ABCB1: variants seen among roughly 807,000 people sequenced by gnomAD.
The protein encoded by ABCB1 is ATP-dependent translocase ABCB1.
ABCB1 carries 69 observed loss-of-function variants against 142.0 expected under a neutral mutation model. That is an observed-to-expected ratio of 0.49 (90% CI 0.40 to 0.59). The LOEUF is 0.59. ABCB1 is among the 20% of genes least tolerant of loss of function. The pLI is 0.00. For missense variants in ABCB1, 1,326 were observed against 1,554.7 expected, an observed-to-expected ratio of 0.85 and a Z score of 2.47; for synonymous variants, 532 against 539.2, an observed-to-expected ratio of 0.99 and a Z score of 0.18.
intron 1 of ABCB1, among the ~76,000 whole-genome samples, chr7:87,646,614 T>C (rs1205679305): frequency 6.6e-6 from 1 of 152,160 alleles, no homozygotes; most frequent in Admixed American, 6.5e-5. Flanking sequence ...AGAAATTTCC[T>C]TCTATTCAGG....
chr7:87,690,758 G>A (rs187679729), intron 1 of ABCB1, among the ~76,000 whole-genome samples: 4 of 152,230 alleles, frequency 2.6e-5, no homozygotes, highest in Admixed American at 2.0e-4. Context: ...CCAATTTATA[G>A]ACAAGACTTG....
chr7:87,663,717 C>G (rs1042710092), intron 1 of ABCB1, among the ~76,000 whole-genome samples: 3 of 152,078 alleles, frequency 2.0e-5, no homozygotes, highest in Non-Finnish European at 2.9e-5. Context: ...AGTACTATAA[C>G]AAAATACTAC....
At chr7:87,554,797 A>G (rs542263549) in intron 8 of ABCB1, among the ~76,000 whole-genome samples, 30 of 152,220 alleles carry the variant, frequency 2.0e-4, no homozygotes, top group Non-Finnish European at 3.7e-4. Flanking sequence ...AATTATTAGC[A>G]TATCTATAGC....
chr7:87,628,342 C>G (rs1046584971), intron 1 of ABCB1: 12 of 152,660 alleles, frequency 7.9e-5, no homozygotes, highest in African/African-American at 2.9e-4. Flanking sequence ...GCGGGGGTAG[C>G]GTTGATTTGA....
intron 1 of ABCB1, among the ~76,000 whole-genome samples, chr7:87,614,001 T>G (rs2130066238): frequency 6.6e-6 from 1 of 152,314 alleles, no homozygotes; most frequent in South Asian, 2.1e-4. Context: ...TATCCTTTAG[T>G]TTTATGATAA....
chr7:87,566,170 A>G lies in ABCB1; in HGVS notation c.602T>C (p.Phe201Ser). Residue 201 changes from phenylalanine to serine, a missense_variant, in exon 7 of 28, where the codon TTC becomes TCC. Physicochemically the swap from Phe to Ser is radical, Grantham distance 155. Transcript: ENST00000622132. ...GMFFQSMATF[F>S]TGFIVGFTRG... The stretch of plus-strand genomic sequence containing the variant: ...TGTAAATCCTACTATAAACCCAGTG[A>G]AAAATGTTGCCATTGACTGAAAGAA... 2.5e-6 allele frequency: 4 copies of G among 1,614,168 alleles called. No individual in the cohort carries two copies. Among genetic ancestry groups the G allele is most frequent in the Non-Finnish European group, 1.7e-6 (2 of 1,179,982 alleles).
chr7:87,504,792 G>A lies in ABCB1; in HGVS notation c.3637-343C>T, dbSNP rs1213053557. ...TGCACTCCAGCCTGGGCGACAGAGCGAGACTCCATCTCAAAGAAAAAAAAA... is the reference window on the plus strand; with the variant it reads ...TGCACTCCAGCCTGGGCGACAGAGCAAGACTCCATCTCAAAGAAAAAAAAA... On this transcript the variant is annotated intron_variant, in intron 27 of 27. Coordinates refer to ENST00000622132, the MANE Select transcript of ABCB1 (RefSeq NM_001348946.2). Among the ~76,000 whole-genome samples the A allele has an allele frequency of 8.3e-5, 12 of 144,494 alleles. No homozygotes were observed. The East Asian group carries it at 1.6e-3, about 19-fold the overall frequency. The allele number at this position is 144,494 out of a possible 152,430, so 94.8% of individuals were successfully genotyped here. A position where few individuals can be genotyped will look rare whatever the true frequency, so the allele number is the denominator to read the frequency against.
At position 87,546,000 on chromosome 7, in the gene ABCB1, C is replaced by T. The variant is rs1257424474; in HGVS notation, c.1750G>A (p.Val584Met). Residue 584 changes from valine to methionine, a missense_variant, in exon 15 of 28, where the codon GTG (valine) becomes ATG (methionine). Transcript: ENST00000622132. ...DKARKGRTTI[V>M]IAHRLSTVRN... ...ACTGTAGACAAACGATGAGCTATCA[C>T]AATGGTGGTCCGACCTTTTCTGGCC... 4 of 1,614,126 alleles carry T rather than the reference C, an allele frequency of 2.5e-6. No homozygotes were observed. The highest frequency in any genetic ancestry group is 3.4e-6 in the Non-Finnish European group (4 of 1,180,004).
chr7:87,551,908 C>T (rs1817088951), intron 9 of ABCB1, among the ~76,000 whole-genome samples: 1 of 151,778 alleles, frequency 6.6e-6, no homozygotes, highest in Non-Finnish European at 1.5e-5. Context: ...GTCAGAAGAC[C>T]CAGTTCTGAA....
At chr7:87,603,469 T>C (rs556731891), upstream of ABCB1, among the ~76,000 whole-genome samples, 1 of 152,190 alleles carries the variant, frequency 6.6e-6, no homozygotes, top group Non-Finnish European at 1.5e-5. Context: ...TGTTTTCTCC[T>C]TATGAGTCCA....
intron 1 of ABCB1, among the ~76,000 whole-genome samples, chr7:87,619,323 G>T (rs1461159607): frequency 6.6e-6 from 1 of 152,082 alleles, no homozygotes; most frequent in African/African-American, 2.4e-5. Context: ...CAGATCACTT[G>T]AGGTCATGAG....
At chr7:87,569,143 G>A (rs1016794) in intron 5 of ABCB1, among the ~76,000 whole-genome samples, 59,945 of 151,660 alleles carry the variant, frequency 0.4, 12,640 homozygotes, top group East Asian at 0.64. Context: ...GGCCAGCCTG[G>A]GTAACATGGT....
intron 26 of ABCB1, among the ~76,000 whole-genome samples, chr7:87,508,960 C>A (rs111623081): frequency 1.9e-4 from 29 of 152,268 alleles, no homozygotes; most frequent in African/African-American, 6.5e-4. Context: ...CTAAGGCTGA[C>A]AAAGGTGGAG....
intron 1 of ABCB1, chr7:87,709,265 T>C: frequency 2.0e-6 from 2 of 985,412 alleles, no homozygotes; most frequent in African/African-American, 3.5e-5. Flanking sequence ...GAATTGTCTC[T>C]GGAGAGCAAC....
chr7:87,530,385 G>C (rs1815982507), intron 21 of ABCB1, among the ~76,000 whole-genome samples: 1 of 152,094 alleles, frequency 6.6e-6, no homozygotes, highest in African/African-American at 2.4e-5. Context: ...AACTGTCTGA[G>C]CTTGAATCCC....
intron 21 of ABCB1, among the ~76,000 whole-genome samples, chr7:87,523,790 G>A (rs552871647): frequency 3.9e-5 from 6 of 152,154 alleles, no homozygotes; most frequent in South Asian, 4.2e-4. Flanking sequence ...TACATCAGCC[G>A]CACCACCTTG....
At chr7:87,526,272 A>G (rs1367644390) in intron 21 of ABCB1, among the ~76,000 whole-genome samples, 1 of 151,810 alleles carries the variant, frequency 6.6e-6, no homozygotes, top group Non-Finnish European at 1.5e-5. Context: ...TCCAGCAGAA[A>G]TTTATCGTTT....
chr7:87,566,797 G>T lies in ABCB1; in HGVS notation c.518C>A (p.Thr173Asn). 6.2e-7 allele frequency: 1 copy of T among 1,614,086 alleles called. No individual in the cohort carries two copies. Among genetic ancestry groups the T allele is most frequent in the East Asian group, 2.2e-5 (1 of 44,882 alleles). ...ACTAAATACTTACTCTGTAAGTCGG[G>T]TGTTAAGCTCCCCAACATCGTGCAC... ...FDVHDVGELN[T>N]RLTDDVSKIN... Residue 173 changes from threonine to asparagine, a missense_variant, in exon 6 of 28, where the codon ACC becomes AAC. Transcript: ENST00000622132.
intron 1 of ABCB1, among the ~76,000 whole-genome samples, chr7:87,626,274 C>CGT (rs1820509415): frequency 5.1e-5 from 3 of 58,406 alleles, no homozygotes; most frequent in Admixed American, 4.3e-4. Context: ...ATATATGTGT[C>CGT]ATATATATGT....
Sources: allele counts gnomAD v4.1 joint callset (sites outside exome capture counted in the v4.1 genomes callset), GRCh38; gene constraint gnomAD v4.1.1; transcripts MANE v1.5; gene names NCBI Gene and HGNC (gene_info 2026-07-23, HGNC 2026-07-21).